SNX2: variants seen among roughly 807,000 people sequenced by gnomAD.
SNX2 encodes the protein sorting nexin-2.
A neutral mutation model predicts 69.9 loss-of-function variants in SNX2; 25 were observed. The observed-to-expected ratio is 0.36, with a 90% CI of 0.26 to 0.50. The LOEUF is 0.50. Among genes scored for constraint, SNX2 ranks in the 20% least tolerant of loss-of-function variants. The probability of loss-of-function intolerance (pLI) is 0.97; values close to 1 mark genes in which losing one functional copy is unlikely to be tolerated. For missense variants in SNX2, 551 were observed against 613.3 expected (o/e 0.90, Z 1.07); for synonymous variants, 229 against 200.4 (o/e 1.14, Z -1.20).
rs200609847 is a variant in SNX2 at position 122,814,642 on chromosome 5, TACTG to T, written c.723-1250_723-1247del. 2.8e-3 allele frequency among the ~76,000 whole-genome samples: 431 copies of T among 152,326 alleles called. 3 individuals are homozygous for T. The highest frequency in any genetic ancestry group is 1.0e-2 in the African/African-American group (415 of 41,582). ...AATCTTATAAAAAGGTAGAAGAAAT[TACTG>T]ACTACATTTATTCTAAAGAAATAAA... is the stretch of plus-strand genomic sequence containing the variant. On this transcript the variant is annotated intron_variant, in intron 7 of 14. Coordinates refer to ENST00000379516, the MANE Select transcript of SNX2 (RefSeq NM_003100.4).
rs150697461 is a variant in SNX2 at position 122,830,450 on chromosome 5, C to T, written c.*802C>T. On this transcript the variant is annotated 3_prime_UTR_variant, in exon 15 of 15. Transcript: ENST00000379516. ...GTCCCATGGATTTTGTTCATCTTCT[C>T]GTTATCTTCAGAATCTCGTACTTTG... is the stretch of plus-strand genomic sequence containing the variant. Among the ~76,000 whole-genome samples, 521 of 152,176 alleles carry T rather than the reference C, an allele frequency of 3.4e-3. 5 individuals carry two copies. Among genetic ancestry groups the T allele is most frequent in the African/African-American group, 0.012 (495 of 41,536 alleles).
chr5:122,824,636 G>T (rs562229267), intron 11 of SNX2, among the ~76,000 whole-genome samples: 2 of 152,288 alleles, frequency 1.3e-5, no homozygotes, highest in African/African-American at 4.8e-5. Context: ...CGATCCTTAA[G>T]AATTCCTTTG....
Position 122,803,580 on chromosome 5 carries a change from A to G in SNX2, c.610A>G (p.Ile204Val). The G allele has an allele frequency of 6.2e-7, 1 of 1,611,176 alleles. No homozygotes were observed. The highest frequency in any genetic ancestry group is 1.3e-5 in the African/African-American group (1 of 74,966). Residue 204 changes from isoleucine to valine, a missense_variant, in exon 6 of 15, where the codon ATT becomes GTT. Around this residue, in one of 2 missense-constraint regions of SNX2, gnomAD observed 360 missense variants for 450.4 expected, o/e 0.80. Coordinates refer to ENST00000379516, the MANE Select transcript of SNX2 (RefSeq NM_003100.4). ...AAGCAAATATTTACATGTTGGTTAT[A>G]TTGTGCCACCAGCTCCAGAAAAGAG... is the stretch of plus-strand genomic sequence containing the variant. ...LASKYLHVGY[I>V]VPPAPEKSIV...
At chr5:122,777,202 G>A (rs1299351512) in intron 1 of SNX2, among the ~76,000 whole-genome samples, 3 of 152,142 alleles carry the variant, frequency 2.0e-5, no homozygotes, top group Non-Finnish European at 4.4e-5. Context: ...TTAAAATGCA[G>A]ATGCCTGTGC....
chr5:122,832,623 TATAA>T lies in SNX2; in HGVS notation c.*2978_*2981del, dbSNP rs1754320166. 1 of 152,016 alleles carries T rather than the reference TATAA, an allele frequency of 6.6e-6. No individual in the cohort carries two copies. The highest frequency in any genetic ancestry group is 1.5e-5 in the Non-Finnish European group (1 of 67,996). The allele number at this position is 152,016 out of a possible 1,614,324, so 9.4% of individuals were successfully genotyped here. On this transcript the variant is annotated 3_prime_UTR_variant, in exon 15 of 15. Coordinates refer to ENST00000379516, the MANE Select transcript of SNX2 (RefSeq NM_003100.4). Reference sequence around the variant, plus strand: ...AAAGTAATTGCGTCCTTTGTCGTTATATAAATTGTTTTATAAATGGCTTTAACTA... The same window carrying T: ...AAAGTAATTGCGTCCTTTGTCGTTATATTGTTTTATAAATGGCTTTAACTA...
intron 6 of SNX2, among the ~76,000 whole-genome samples, chr5:122,804,404 C>A (rs1753587409): frequency 7.0e-6 from 1 of 142,186 alleles, no homozygotes; most frequent in African/African-American, 2.7e-5. Flanking sequence ...CTCACTCTGT[C>A]ATCCAGGCTG....
At position 122,829,622 on chromosome 5, in the gene SNX2, C is replaced by G; in HGVS notation, c.1534C>G (p.Leu512Val). The part of the protein sequence containing the change: ...QQLIKYWEAF[L>V]PEAKAIA ...GCTGATAAAATACTGGGAAGCATTC[C>G]TACCTGAAGCCAAAGCCATTGCCTA... Residue 512 changes from leucine (L) to valine (V), a missense_variant, in exon 15 of 15, where the codon CTA becomes GTA. By Grantham distance (32) the Leu-to-Val change is conservative. Around this residue, in one of 2 missense-constraint regions of SNX2, gnomAD observed 360 missense variants for 450.4 expected, o/e 0.80. Coordinates refer to ENST00000379516, the MANE Select transcript of SNX2 (RefSeq NM_003100.4). The G allele has an allele frequency of 2.5e-6, 4 of 1,613,050 alleles. No homozygotes were observed. Among genetic ancestry groups the G allele is most frequent in the Non-Finnish European group, 3.4e-6 (4 of 1,179,160 alleles).
chr5:122,801,565 A>G (rs1261975118), intron 3 of SNX2, among the ~76,000 whole-genome samples: 2 of 150,000 alleles, frequency 1.3e-5, no homozygotes, highest in African/African-American at 4.9e-5. Flanking sequence ...AGATTGAGCC[A>G]CTGCACTCCT....
rs375360345 is a variant in SNX2, at chr5:122,833,480, A to G, written c.*3832A>G. ...ATATTATTTTAATATGTAATCCAATATATTGAAGTTATAAGATATTTTACA... is the reference window on the plus strand; with the variant it reads ...ATATTATTTTAATATGTAATCCAATGTATTGAAGTTATAAGATATTTTACA... On this transcript the variant is annotated 3_prime_UTR_variant, in exon 15 of 15. Coordinates refer to ENST00000379516, the MANE Select transcript of SNX2 (RefSeq NM_003100.4). The G allele has an allele frequency of 4.6e-5, 7 of 152,190 alleles. No individual in the cohort carries two copies. The East Asian group carries it at 1.2e-3, about 25-fold the overall frequency. 9.4% of individuals were successfully genotyped at this position (152,190 alleles called of 1,614,324 possible). A position where few individuals can be genotyped will look rare whatever the true frequency, so the allele number is the denominator to read the frequency against.
intron 1 of SNX2, among the ~76,000 whole-genome samples, chr5:122,788,989 A>G (rs1335615088): frequency 6.6e-6 from 1 of 152,202 alleles, no homozygotes; most frequent in African/African-American, 2.4e-5. Context: ...ATTTTGGACT[A>G]TATCTTAAAC....
Position 122,829,778 on chromosome 5 carries a change from AC to A in SNX2, c.*131del. On this transcript the variant is annotated 3_prime_UTR_variant, in exon 15 of 15. Transcript: ENST00000379516. ...ATGAATTACATGTGGTTTTATATAC[AC>A]ACACACACACACACACACACACACA... The A allele has an allele frequency of 3.7e-5, 2 of 54,198 alleles. No individual in the cohort carries two copies. The highest frequency in any genetic ancestry group is 2.7e-5 in the Non-Finnish European group (1 of 37,044). The allele number at this position is 54,198 out of a possible 1,614,324, so 3.4% of individuals were successfully genotyped here. A position where few individuals can be genotyped will look rare whatever the true frequency, so the allele number is the denominator to read the frequency against.
At chr5:122,810,783 G>A (rs1470284845) in intron 7 of SNX2, among the ~76,000 whole-genome samples, 1 of 151,766 alleles carries the variant, frequency 6.6e-6, no homozygotes, top group African/African-American at 2.4e-5. Flanking sequence ...TTGCAATAGT[G>A]AAAAAAAGAA....
chr5:122,800,904 A>G lies in SNX2; in HGVS notation c.391-965A>G, dbSNP rs1187255300. 2.6e-5 allele frequency among the ~76,000 whole-genome samples: 4 copies of G among 152,174 alleles called. No individual in the cohort carries two copies. The East Asian group carries it at 7.7e-4, about 29-fold the overall frequency. On this transcript the variant is annotated intron_variant, in intron 3 of 14. Coordinates refer to ENST00000379516, the MANE Select transcript of SNX2 (RefSeq NM_003100.4). ...AATAACAAAGCTTTCCTGCAGAGCTAATGTTTGGATTGCTTATTTTTAATG... is the reference window on the plus strand; with the variant it reads ...AATAACAAAGCTTTCCTGCAGAGCTGATGTTTGGATTGCTTATTTTTAATG...
rs1444136022 is a variant in SNX2 at position 122,815,991 on chromosome 5, T to A, written c.798+20T>A. ...TCAGAGGTATTATTTCTATATTAAA[T>A]GTTTGTATATGAATGTTCTCGTTAT... On this transcript the variant is annotated intron_variant, in intron 8 of 14. Transcript: ENST00000379516. 11 of 1,338,764 alleles carry A rather than the reference T, an allele frequency of 8.2e-6. No homozygotes were observed. The Admixed American group carries it at 2.1e-4, about 25-fold the overall frequency. The allele number at this position is 1,338,764 out of a possible 1,614,324, so 82.9% of individuals were successfully genotyped here.
In SNX2 at chr5:122,801,848, A is replaced by C. The variant is rs201925986; in HGVS notation, c.391-21A>C. On this transcript the variant is annotated intron_variant, in intron 3 of 14. Coordinates refer to ENST00000379516, the MANE Select transcript of SNX2 (RefSeq NM_003100.4). The stretch of plus-strand genomic sequence containing the variant: ...TTTAAATTATAATTTTTAATGCCAA[A>C]AAATAATTTATACTTTCTAGATTGA... 3.4e-6 allele frequency: 5 copies of C among 1,452,060 alleles called. No individual in the cohort carries two copies. The East Asian group carries it at 1.1e-4, about 33-fold the overall frequency. The allele number at this position is 1,452,060 out of a possible 1,614,324, so 89.9% of individuals were successfully genotyped here. A position where few individuals can be genotyped will look rare whatever the true frequency, so the allele number is the denominator to read the frequency against.
At chr5:122,811,397 T>C (rs1053348108) in intron 7 of SNX2, among the ~76,000 whole-genome samples, 6 of 152,200 alleles carry the variant, frequency 3.9e-5, no homozygotes, top group African/African-American at 1.4e-4. Flanking sequence ...AGGATACACA[T>C]CTGCAAATAC....
At chr5:122,805,650 G>A (rs1165939315) in intron 6 of SNX2, among the ~76,000 whole-genome samples, 2 of 152,066 alleles carry the variant, frequency 1.3e-5, no homozygotes, top group Non-Finnish European at 2.9e-5. Flanking sequence ...GAAATCTGTA[G>A]GGATGGTTCT....
chr5:122,809,888 A>C (rs1320683523), intron 7 of SNX2, among the ~76,000 whole-genome samples: 4 of 152,216 alleles, frequency 2.6e-5, no homozygotes, highest in Non-Finnish European at 4.4e-5. Flanking sequence ...GTTACCCAGA[A>C]AAAGGATTTA....
At chr5:122,775,071 G>T (rs1014268364), upstream of SNX2, 50 of 1,558,236 alleles carry the variant, frequency 3.2e-5, 1 homozygote, top group Admixed American at 9.0e-4. Context: ...GGTCCGCGAG[G>T]CCCAGCTCGC....
Sources: allele counts gnomAD v4.1 joint callset (sites outside exome capture counted in the v4.1 genomes callset), GRCh38; gene constraint gnomAD v4.1.1; regional missense constraint gnomAD v4.1.1; transcripts MANE v1.5; gene names NCBI Gene and HGNC (gene_info 2026-07-23, HGNC 2026-07-21).